LHFPL3: variants seen among roughly 807,000 people sequenced by gnomAD.
The protein encoded by LHFPL3 is LHFPL tetraspan subfamily member 3 protein.
Under a neutral mutation model 19.3 loss-of-function variants are expected in LHFPL3, and 5 were observed. The ratio of observed to expected loss-of-function variants is 0.26; its 90% CI spans 0.14 to 0.54. The LOEUF (loss-of-function observed/expected upper bound fraction) is 0.54, where lower values mean the gene tolerates loss of function less well. LHFPL3 is among the 20% of genes least tolerant of loss of function. The probability of loss-of-function intolerance (pLI) is 0.94; values close to 1 mark genes in which losing one functional copy is unlikely to be tolerated. For missense variants in LHFPL3, 249 were observed against 307.4 expected (o/e 0.81, Z 1.42); for synonymous variants, 133 against 126.2 (o/e 1.05, Z -0.36).
chr7:104,753,956 C>A (rs1350027821), intron 2 of LHFPL3, among the ~76,000 whole-genome samples: 1 of 152,196 alleles, frequency 6.6e-6, no homozygotes, highest in Admixed American at 6.6e-5. Context: ...TTTAGTCCAA[C>A]AGATAAACAT....
At chr7:104,385,844 C>G (rs1409411202) in intron 1 of LHFPL3, among the ~76,000 whole-genome samples, 6 of 151,648 alleles carry the variant, frequency 4.0e-5, no homozygotes, top group Admixed American at 6.6e-5. Flanking sequence ...TTTTTAAATA[C>G]TTATTTTTAA....
At position 104,717,387 on chromosome 7, in the gene LHFPL3, A is replaced by G. The variant is rs113925861; in HGVS notation, c.446-19288A>G. On this transcript the variant is annotated intron_variant, in intron 1 of 2. Transcript: ENST00000424859. ...TAAGGCAACCTATGGCATGGGAGAAAATATTTGCAAACTCTATATCTGATA... is the reference window on the plus strand; with the variant it reads ...TAAGGCAACCTATGGCATGGGAGAAGATATTTGCAAACTCTATATCTGATA... 2.6e-3 allele frequency among the ~76,000 whole-genome samples: 394 copies of G among 152,294 alleles called. 8 individuals carry two copies. The highest frequency in any genetic ancestry group is 2.2e-3 in the Non-Finnish European group (149 of 68,018).
Position 104,834,848 on chromosome 7 carries a change from A to G in LHFPL3, c.683-71339A>G, listed in dbSNP as rs182484884. ...AGCACTGAGAAGTTTGTTCATCTCA[A>G]TTGTTCTCTAATCACTTAGGTCCAT... On this transcript the variant is annotated intron_variant, in intron 2 of 2. Transcript: ENST00000424859. 4.6e-5 allele frequency among the ~76,000 whole-genome samples: 7 copies of G among 152,144 alleles called. 1 individual carries two copies. In the East Asian group the frequency reaches 7.7e-4, roughly 17 times the overall value.
intron 1 of LHFPL3, among the ~76,000 whole-genome samples, chr7:104,411,837 G>A (rs761107352): frequency 5.3e-5 from 8 of 152,148 alleles, no homozygotes; most frequent in Non-Finnish European, 1.2e-4. Context: ...TAAACTGGTG[G>A]CAATTTTTGG....
In LHFPL3 at chr7:104,328,633, T is replaced by G. The variant is rs1161446866; in HGVS notation, c.-147T>G. 1 of 706,912 alleles carries G rather than the reference T, an allele frequency of 1.4e-6. No individual in the cohort carries two copies. The highest frequency in any genetic ancestry group is 1.8e-5 in the African/African-American group (1 of 56,306). The allele number at this position is 706,912 out of a possible 1,614,324, so 43.8% of individuals were successfully genotyped here. A position where few individuals can be genotyped will look rare whatever the true frequency, so the allele number is the denominator to read the frequency against. On this transcript the variant is annotated 5_prime_UTR_variant, in exon 1 of 3. An upstream start codon of the reference 5' UTR is lost. Coordinates refer to ENST00000424859, the MANE Select transcript of LHFPL3 (RefSeq NM_199000.3). The surrounding 1 kb of genome is among the most constrained non-coding windows in gnomAD (Gnocchi z 4.6). ...CCCGCCCTCCTTCCGGGAGCGAGGA[T>G]GCAGACTCTGAAACTGGTGCTGCTG...
chr7:104,830,654 A>G (rs193281030), intron 2 of LHFPL3, among the ~76,000 whole-genome samples: 1 of 151,924 alleles, frequency 6.6e-6, no homozygotes, highest in East Asian at 1.9e-4. Flanking sequence ...GACAAGTGGC[A>G]TTATTTCTGA....
chr7:104,734,290 C>T (rs1687122582), intron 1 of LHFPL3, among the ~76,000 whole-genome samples: 1 of 152,194 alleles, frequency 6.6e-6, no homozygotes, highest in African/African-American at 2.4e-5. Context: ...GGGAAGTTCT[C>T]CTGGATAATA....
chr7:104,841,379 T>G (rs764970296), intron 2 of LHFPL3, among the ~76,000 whole-genome samples: 1 of 152,160 alleles, frequency 6.6e-6, no homozygotes, highest in Non-Finnish European at 1.5e-5. Context: ...ATTTATTTTC[T>G]CCATCCTAGG....
At chr7:104,753,152 G>A (rs74960603) in intron 2 of LHFPL3, among the ~76,000 whole-genome samples, 6 of 152,214 alleles carry the variant, frequency 3.9e-5, no homozygotes, top group South Asian at 2.1e-4. Context: ...ATAATGTAAC[G>A]ATACTGAGGC....
chr7:104,731,791 T>C (rs966655650), intron 1 of LHFPL3, among the ~76,000 whole-genome samples: 1 of 151,926 alleles, frequency 6.6e-6, no homozygotes, highest in African/African-American at 2.4e-5. Context: ...AGGGCATCCC[T>C]GTCTTGTGCC....
chr7:104,422,377 CAACAAG>C (rs1031874192), intron 1 of LHFPL3, among the ~76,000 whole-genome samples: 2 of 152,082 alleles, frequency 1.3e-5, no homozygotes, highest in African/African-American at 4.8e-5. Flanking sequence ...ACAACAACAA[CAACAAG>C]AACAAATATT....
chr7:104,760,707 C>T (rs911907464), intron 2 of LHFPL3, among the ~76,000 whole-genome samples: 6 of 152,148 alleles, frequency 3.9e-5, no homozygotes, highest in Middle Eastern at 3.4e-3. Context: ...TTTTAACCAC[C>T]GATGCTATGC....
intron 1 of LHFPL3, among the ~76,000 whole-genome samples, chr7:104,455,650 G>A (rs1355828877): frequency 6.6e-6 from 1 of 152,144 alleles, no homozygotes; most frequent in African/African-American, 2.4e-5. Context: ...GAACCTGGGA[G>A]GTTGAGGTTG....
chr7:104,710,026 G>A (rs1793271063), intron 1 of LHFPL3, among the ~76,000 whole-genome samples: 1 of 152,222 alleles, frequency 6.6e-6, no homozygotes, highest in Admixed American at 6.5e-5. Context: ...ACTCCAGCCT[G>A]GGCAACATTG....
intron 1 of LHFPL3, among the ~76,000 whole-genome samples, chr7:104,405,953 C>G (rs901533302): frequency 3.3e-5 from 5 of 152,194 alleles, no homozygotes; most frequent in African/African-American, 1.2e-4. Flanking sequence ...AGGTTAGCAA[C>G]TTTTCCTGAA....
At chr7:104,661,294 T>C (rs951751026) in intron 1 of LHFPL3, among the ~76,000 whole-genome samples, 8 of 152,200 alleles carry the variant, frequency 5.3e-5, no homozygotes, top group African/African-American at 1.9e-4. Flanking sequence ...GGTGCTGCCC[T>C]GCCTATTCTA....
intron 1 of LHFPL3, among the ~76,000 whole-genome samples, chr7:104,495,484 C>T (rs937369764): frequency 3.3e-5 from 5 of 152,232 alleles, no homozygotes; most frequent in Admixed American, 6.5e-5. Context: ...TCCGGGTTCA[C>T]GCCATTCTCC....
chr7:104,884,972 G>A (rs1211955525), intron 2 of LHFPL3, among the ~76,000 whole-genome samples: 1 of 152,106 alleles, frequency 6.6e-6, no homozygotes, highest in Non-Finnish European at 1.5e-5. Context: ...AAGAAGGGAA[G>A]GTCAGCAGGC....
intron 1 of LHFPL3, among the ~76,000 whole-genome samples, chr7:104,463,317 A>G (rs900303783): frequency 1.3e-5 from 2 of 152,082 alleles, no homozygotes; most frequent in Non-Finnish European, 2.9e-5. Flanking sequence ...ATTCTTTAAG[A>G]TGTGATATTG....
Sources: gnomAD v4.1 joint callset for allele counts (sites outside exome capture counted in the v4.1 genomes callset) on GRCh38, gnomAD v4.1.1 for gene constraint, Gnocchi (gnomAD v3.1) non-coding constraint, MANE v1.5 for transcripts, NCBI Gene and HGNC (gene_info 2026-07-23, HGNC 2026-07-21) for gene names.